Variants in PPRC1 observed in about 807,000 individuals in gnomAD.
PPRC1 encodes the protein PPARG related coactivator 1, also known as peroxisome proliferator-activated receptor gamma coactivator-related protein 1.
A neutral mutation model predicts 132.5 loss-of-function variants in PPRC1; 23 were observed. The ratio of observed to expected loss-of-function variants is 0.17; its 90% CI spans 0.12 to 0.25. PPRC1 has a LOEUF of 0.25. Among genes scored for constraint, PPRC1 ranks in the 10% least tolerant of loss-of-function variants. The probability of loss-of-function intolerance (pLI) is 1.00; values close to 1 mark genes in which losing one functional copy is unlikely to be tolerated. For synonymous variants in PPRC1, 872 were observed against 833.5 expected, an observed-to-expected ratio of 1.05 and a Z score of -0.80; for missense variants, 2,006 against 2,089.1, an observed-to-expected ratio of 0.96 and a Z score of 0.78.
At position 102,143,075 on chromosome 10, in the gene PPRC1, T is replaced by A; in HGVS notation, c.3527T>A (p.Leu1176Gln). 3 of 1,613,836 alleles carry A rather than the reference T, an allele frequency of 1.9e-6. No individual in the cohort carries two copies. The highest frequency in any genetic ancestry group is 2.5e-6 in the Non-Finnish European group (3 of 1,179,686). Residue 1176 changes from leucine to glutamine, a missense_variant, in exon 6 of 14, where the codon CTG (leucine) becomes CAG (glutamine). This residue lies in a region of PPRC1 where 1,914 missense variants were observed against 1,917.2 expected (regional missense o/e 1.00). Coordinates refer to ENST00000278070, the MANE Select transcript of PPRC1 (RefSeq NM_015062.5). ...GIEASDLSSL[L>Q]EQFEKSEAKK... ...GAGGCATCGGACCTGTCCAGTCTGC[T>A]GGAGCAGTTTGAGAAATCAGAAGGT...
chr10:102,143,109 A>G lies in PPRC1; in HGVS notation c.3550+11A>G. 6.2e-7 allele frequency: 1 copy of G among 1,610,904 alleles called. No homozygotes were observed. ...TTGAGAAATCAGAAGGTGAGGGAAC[A>G]TGGGTAGTTTTGCTCCAACTCTTTT... is the stretch of plus-strand genomic sequence containing the variant. On this transcript the variant is annotated intron_variant, in intron 6 of 13. Coordinates refer to ENST00000278070, the MANE Select transcript of PPRC1 (RefSeq NM_015062.5).
At chr10:102,127,068 T>TATATAA in the PPRC1 span, among the ~76,000 whole-genome samples, 51 of 74,134 alleles carry the variant, frequency 6.9e-4, 3 homozygotes, top group East Asian at 3.9e-3. Flanking sequence ...TATATATATA[T>TATATAA]AAATTAAAAA....
chr10:102,143,013 C>T (rs770216020), intron 5 of PPRC1, 32 bp from the exon 6 acceptor site: 7 of 1,590,778 alleles, frequency 4.4e-6, no homozygotes, highest in East Asian at 2.2e-5. Flanking sequence ...GATAGGGGCT[C>T]GTTTTCAATC....
rs753798998 is a variant in PPRC1 at position 102,138,934 on chromosome 10, C to T, written c.545C>T (p.Pro182Leu). The T allele has an allele frequency of 2.5e-6, 4 of 1,614,182 alleles. No individual in the cohort carries two copies. Among genetic ancestry groups the T allele is most frequent in the Non-Finnish European group, 2.5e-6 (3 of 1,180,014 alleles). The change falls in exon 4 of 14, where the codon CCA becomes CTA. Residue 182 changes from proline to leucine, a missense_variant. Coordinates refer to ENST00000278070, the MANE Select transcript of PPRC1 (RefSeq NM_015062.5). ...CCCCCAGAACGTGACCTCATCACCC[C>T]AGTTGACCCACTGGGGCCCAGTACA... ...RTPPERDLIT[P>L]VDPLGPSTGS... is the part of the protein sequence containing the mutation.
the PPRC1 span, chr10:102,120,505 G>T: frequency 2.1e-6 from 1 of 481,250 alleles, no homozygotes; most frequent in Non-Finnish European, 2.7e-6. Context: ...GCCGGGCAGG[G>T]CCGGGCTTTA....
At chr10:102,146,003 C>T (rs2069229198) in intron 8 of PPRC1, among the ~76,000 whole-genome samples, 2 of 152,190 alleles carry the variant, frequency 1.3e-5, no homozygotes, top group African/African-American at 4.8e-5. Context: ...ATTTAGGGAA[C>T]AGGGCATTCT....
Position 102,144,192 on chromosome 10 carries a change from G to C in PPRC1, c.3551-58G>C, listed in dbSNP as rs184844852. ...TTTGGGTCTCAAAGCAAGCCCTTCT[G>C]TGCCGCCTCAGTCTAGAACATCTGG... On this transcript the variant is annotated intron_variant, in intron 6 of 13. Coordinates refer to ENST00000278070, the MANE Select transcript of PPRC1 (RefSeq NM_015062.5). 4.3e-3 allele frequency: 6,709 copies of C among 1,555,494 alleles called. 31 individuals carry two copies. The highest frequency in any genetic ancestry group is 5.1e-3 in the Middle Eastern group (30 of 5,930).
chr10:102,147,573 A>G (rs1043908136), intron 9 of PPRC1, among the ~76,000 whole-genome samples, 181 bp downstream of exon 9: 6 of 152,054 alleles, frequency 3.9e-5, no homozygotes, highest in African/African-American at 7.2e-5. Flanking sequence ...CTGTGAGACA[A>G]TTGCTTCTGT....
At chr10:102,137,516 C>T (rs1322470696) in intron 1 of PPRC1, among the ~76,000 whole-genome samples, 1 of 152,070 alleles carries the variant, frequency 6.6e-6, no homozygotes, top group Non-Finnish European at 1.5e-5. Flanking sequence ...TTGGTGTGCC[C>T]CTCAGACTGT....
chr10:102,132,675 A>G (rs1460174426), upstream of PPRC1, among the ~76,000 whole-genome samples: 2 of 152,240 alleles, frequency 1.3e-5, no homozygotes, highest in African/African-American at 4.8e-5. Context: ...ACTTGGCCCC[A>G]CTTGGACTAA....
intron 13 of PPRC1, 33 bp downstream of exon 13, chr10:102,149,362 G>T: frequency 1.3e-6 from 2 of 1,531,930 alleles, no homozygotes; most frequent in African/African-American, 2.8e-5. Context: ...GCTTTGGAAT[G>T]CTTCATCCCC....
At chr10:102,132,952 G>T, upstream of PPRC1, 1 of 1,222,752 alleles carries the variant, frequency 8.2e-7, no homozygotes, top group South Asian at 4.3e-5. Context: ...CTCGCCGCAC[G>T]GCTCTCTGGG....
rs777199566 is a variant in PPRC1 at position 102,147,501 on chromosome 10, G to C, written c.4400+109G>C. The C allele has an allele frequency of 7.3e-6, 10 of 1,377,994 alleles. No individual in the cohort carries two copies. The African/African-American group carries it at 1.0e-4, about 14-fold the overall frequency. The allele number at this position is 1,377,994 out of a possible 1,614,324, so 85.4% of individuals were successfully genotyped here. On this transcript the variant is annotated intron_variant, in intron 9 of 13. Coordinates refer to ENST00000278070, the MANE Select transcript of PPRC1 (RefSeq NM_015062.5). ...GACTTTGGTACTTTCAGGCGCTAAG[G>C]CTTCTATTTCTGACTTTGGCTTTTG...
At chr10:102,131,510 CA>C (rs1371831729), upstream of PPRC1, among the ~76,000 whole-genome samples, 24 of 152,230 alleles carry the variant, frequency 1.6e-4, no homozygotes, top group African/African-American at 5.8e-4. Flanking sequence ...TACTGTATTT[CA>C]AATACATGCA....
chr10:102,143,294 T>G (rs1469415732), intron 6 of PPRC1, among the ~76,000 whole-genome samples, 196 bp downstream of exon 6: 1 of 151,560 alleles, frequency 6.6e-6, no homozygotes, highest in African/African-American at 2.4e-5. Context: ...GTAAGGAAGG[T>G]ATTAAAGAGT....
At chr10:102,120,503 G>T in the PPRC1 span, 1 of 491,836 alleles carries the variant, frequency 2.0e-6, no homozygotes, top group Non-Finnish European at 2.6e-6. Flanking sequence ...AAGCCGGGCA[G>T]GGCCGGGCTT....
Position 102,140,985 on chromosome 10 carries a change from C to T in PPRC1, c.2477C>T (p.Pro826Leu). The change falls in exon 5 of 14, where the codon CCT (proline) becomes CTT (leucine). Residue 826 changes from proline (P) to leucine (L), a missense_variant. Physicochemically the swap from Pro to Leu is moderately conservative, Grantham distance 98. Transcript: ENST00000278070. ...TGCCTTGTGCCTGTAGGTCCCAGCC[C>T]TGCTTCTCCTAGTCCTGAGCCACCT... is the stretch of plus-strand genomic sequence containing the variant. ...EICLVPVGPS[P>L]ASPSPEPPVS... The T allele has an allele frequency of 6.2e-7, 1 of 1,614,088 alleles. No individual in the cohort carries two copies. The highest frequency in any genetic ancestry group is 1.1e-5 in the South Asian group (1 of 91,090).
chr10:102,138,217 T>C (rs886964218), intron 2 of PPRC1, among the ~76,000 whole-genome samples, 179 bp downstream of exon 2: 5 of 152,182 alleles, frequency 3.3e-5, no homozygotes. Flanking sequence ...GCTGCCAGAT[T>C]ATGTCCCATG....
At position 102,142,941 on chromosome 10, in the gene PPRC1, G is replaced by A. The variant is rs190960067; in HGVS notation, c.3497-104G>A. 9.3e-5 allele frequency: 91 copies of A among 982,852 alleles called. No individual in the cohort carries two copies. The African/African-American group carries it at 1.4e-3, about 15-fold the overall frequency. 60.9% of individuals were successfully genotyped at this position (982,852 alleles called of 1,614,324 possible). A position where few individuals can be genotyped will look rare whatever the true frequency, so the allele number is the denominator to read the frequency against. ...CTTGGTTCACTTAGTACAGAGGGCA[G>A]GGGGAGTGGAAAGGGAGAAGTGAGA... is the stretch of plus-strand genomic sequence containing the variant. On this transcript the variant is annotated intron_variant, in intron 5 of 13. Transcript: ENST00000278070.
Sources: gnomAD v4.1 joint callset for allele counts (sites outside exome capture counted in the v4.1 genomes callset) on GRCh38, gnomAD v4.1.1 for gene constraint, gnomAD v4.1.1 regional missense constraint, MANE v1.5 for transcripts, NCBI Gene and HGNC (gene_info 2026-07-23, HGNC 2026-07-21) for gene names.